IGLL5: variants seen among roughly 807,000 people sequenced by gnomAD.
The protein encoded by IGLL5 is immunoglobulin lambda like polypeptide 5, also known as immunoglobulin lambda-like polypeptide 5.
Under a neutral mutation model 20.9 loss-of-function variants are expected in IGLL5, and 30 were observed. The observed-to-expected ratio is 1.44, with a 90% CI of 1.07 to 1.95. IGLL5 has a LOEUF of 1.95. Ranked by LOEUF, IGLL5 falls within the 30% of genes most tolerant of loss-of-function variation. The pLI, the probability that IGLL5 is intolerant of heterozygous loss-of-function variation, is 0.00. For synonymous variants in IGLL5, 203 were observed against 117.3 expected, an observed-to-expected ratio of 1.73 and a Z score of -4.72; for missense variants, 475 against 270.7, an observed-to-expected ratio of 1.75 and a Z score of -5.30.
intron 1 of IGLL5, among the ~76,000 whole-genome samples, chr22:22,888,670 G>A (rs577490719): frequency 6.6e-6 from 1 of 151,346 alleles, no homozygotes; most frequent in Admixed American, 6.6e-5. Context: ...TGCCCAGTGA[G>A]GGCAGGGGCC....
chr22:22,891,266 T>C (rs1241156257), intron 1 of IGLL5, among the ~76,000 whole-genome samples: 2 of 151,248 alleles, frequency 1.3e-5, no homozygotes, highest in South Asian at 2.1e-4. Flanking sequence ...TTTATTTTTG[T>C]GGATGTAGGA....
intron 1 of IGLL5, among the ~76,000 whole-genome samples, chr22:22,888,547 G>A (rs529995910): frequency 5.3e-5 from 8 of 151,290 alleles, no homozygotes; most frequent in South Asian, 2.1e-4. Context: ...TAGTCCTCTG[G>A]GTAGGGAAGG....
chr22:22,891,188 T>G (rs980624233), intron 1 of IGLL5, among the ~76,000 whole-genome samples: 1 of 151,338 alleles, frequency 6.6e-6, no homozygotes, highest in African/African-American at 2.4e-5. Flanking sequence ...ATAAACTCAT[T>G]TTTCTGTTTT....
chr22:22,889,357 T>A, intron 1 of IGLL5, among the ~76,000 whole-genome samples: 2 of 151,110 alleles, frequency 1.3e-5, no homozygotes, highest in South Asian at 2.1e-4. Context: ...TAAAAATGTA[T>A]AACCATTTTA....
At chr22:22,894,350 T>A (rs2068020359) in intron 2 of IGLL5, among the ~76,000 whole-genome samples, 1 of 151,426 alleles carries the variant, frequency 6.6e-6, no homozygotes, top group African/African-American at 2.4e-5. Flanking sequence ...CAGAGAGGGC[T>A]CTGGGTCTAG....
At chr22:22,894,242 TGAG>T in intron 2 of IGLL5, among the ~76,000 whole-genome samples, 1 of 150,824 alleles carries the variant, frequency 6.6e-6, no homozygotes, top group South Asian at 2.1e-4. Flanking sequence ...CAAGAACAGC[TGAG>T]GGTCTAGGCT....
chr22:22,888,636 C>G (rs2067625589), intron 1 of IGLL5, among the ~76,000 whole-genome samples: 1 of 151,300 alleles, frequency 6.6e-6, no homozygotes, highest in Middle Eastern at 3.7e-3. Flanking sequence ...TCCTCCCCCT[C>G]CTCCTCTCTG....
intron 1 of IGLL5, among the ~76,000 whole-genome samples, chr22:22,888,849 G>C (rs575349641): frequency 4.6e-5 from 7 of 151,408 alleles, no homozygotes; most frequent in Admixed American, 2.0e-4. Context: ...CATGTTTGGA[G>C]CAATAAAGGG....
chr22:22,888,708 G>A (rs151023331), intron 1 of IGLL5, among the ~76,000 whole-genome samples: 5 of 151,330 alleles, frequency 3.3e-5, no homozygotes, highest in Middle Eastern at 3.7e-3. Context: ...GCAAGGGCTT[G>A]GTTTGGTCTC....
chr22:22,894,040 G>GAA, intron 2 of IGLL5, among the ~76,000 whole-genome samples: 1 of 150,586 alleles, frequency 6.6e-6, no homozygotes, highest in African/African-American at 2.5e-5. Context: ...CGGGGCCTGA[G>GAA]CTGGGATTGG....
In IGLL5 at chr22:22,895,511, C is replaced by A. The variant is rs763370633; in HGVS notation, c.462C>A (p.Gly154=). Residue 154 remains glycine, a synonymous_variant, in exon 3 of 3, where the codon GGC becomes GGA. Transcript: ENST00000526893. ...GAVTVAWKAD[G]SPVKAGVETT... Reference sequence around the variant, plus strand: ...TGACAGTGGCCTGGAAGGCAGATGGCAGCCCCGTCAAGGCGGGAGTGGAGA... The same window carrying A: ...TGACAGTGGCCTGGAAGGCAGATGGAAGCCCCGTCAAGGCGGGAGTGGAGA... The A allele has an allele frequency of 6.2e-7, 1 of 1,612,718 alleles. No homozygotes were observed. Among genetic ancestry groups the A allele is most frequent in the South Asian group, 1.1e-5 (1 of 91,008 alleles).
chr22:22,888,858 G>A lies in IGLL5; in HGVS notation c.206+599G>A, dbSNP rs571368186. Among the ~76,000 whole-genome samples the A allele has an allele frequency of 5.9e-5, 9 of 151,362 alleles. 1 individual carries two copies. The highest frequency in any genetic ancestry group is 4.2e-4 in the South Asian group (2 of 4,760). On this transcript the variant is annotated intron_variant, in intron 1 of 2. Transcript: ENST00000526893. ...ACGGCCCATGTTTGGAGCAATAAAG[G>A]GAGAGGGGATCTCCCTCTGGGATGA...
chr22:22,890,276 T>C (rs2067788651), intron 1 of IGLL5, among the ~76,000 whole-genome samples: 3 of 148,724 alleles, frequency 2.0e-5, no homozygotes, highest in Admixed American at 6.8e-5. Context: ...TCAATATACT[T>C]CCAGAACTTT....
At chr22:22,889,078 G>C (rs184086435) in intron 1 of IGLL5, among the ~76,000 whole-genome samples, 6 of 151,322 alleles carry the variant, frequency 4.0e-5, no homozygotes, top group South Asian at 4.2e-4. Context: ...GATTTAGGTA[G>C]ATTGATTATC....
chr22:22,889,348 A>G (rs3171723), intron 1 of IGLL5, among the ~76,000 whole-genome samples: 97,725 of 150,624 alleles, frequency 0.65, 33,225 homozygotes, highest in East Asian at 0.99. Context: ...TATGGGCATT[A>G]AAAATGTATA....
chr22:22,894,801 T>C (rs2066697924), intron 2 of IGLL5, among the ~76,000 whole-genome samples: 1 of 151,158 alleles, frequency 6.6e-6, no homozygotes, highest in East Asian at 2.0e-4. Flanking sequence ...GCCCTGAGGC[T>C]TGTCTAGGTG....
chr22:22,892,219 A>C (rs5996411), intron 1 of IGLL5, among the ~76,000 whole-genome samples: 3,450 of 151,306 alleles, frequency 0.023, 145 homozygotes, highest in African/African-American at 0.075. Flanking sequence ...ATGAGAAACA[A>C]GTGTTGAATT....
chr22:22,889,138 T>A (rs1385221421), intron 1 of IGLL5, among the ~76,000 whole-genome samples: 7 of 151,082 alleles, frequency 4.6e-5, no homozygotes, highest in South Asian at 4.2e-4. Flanking sequence ...TGGAGGCTGA[T>A]GCGACGCCCG....
intron 2 of IGLL5, among the ~76,000 whole-genome samples, 156 bp downstream of exon 2, chr22:22,893,974 C>T (rs1242330731): frequency 3.3e-5 from 5 of 151,516 alleles, no homozygotes; most frequent in South Asian, 2.1e-4. Flanking sequence ...CATTAGTCTC[C>T]GGGTAACCGG....
Sources: gnomAD v4.1 joint callset for allele counts (sites outside exome capture counted in the v4.1 genomes callset) on GRCh38, gnomAD v4.1.1 for gene constraint, MANE v1.5 for transcripts, NCBI Gene and HGNC (gene_info 2026-07-23, HGNC 2026-07-21) for gene names.